Variants in CCSER1 observed in about 807,000 individuals in gnomAD.
CCSER1 encodes the protein coiled-coil serine rich protein 1.
Under a neutral mutation model 82.0 loss-of-function variants are expected in CCSER1, and 41 were observed. The observed-to-expected ratio is 0.50, with a 90% confidence interval of 0.39 to 0.65. The LOEUF (loss-of-function observed/expected upper bound fraction) is 0.65. CCSER1 is among the 30% of genes least tolerant of loss of function. The pLI, the probability that CCSER1 is intolerant of heterozygous loss-of-function variation, is 0.00. For synonymous variants in CCSER1, 414 were observed against 383.9 expected (o/e 1.08, Z -0.92); for missense variants, 1,119 against 1,064.2 (o/e 1.05, Z -0.72).
intron 6 of CCSER1, among the ~76,000 whole-genome samples, chr4:90,635,782 C>A (rs900680316): frequency 7.9e-5 from 12 of 151,822 alleles, no homozygotes; most frequent in South Asian, 6.2e-4. Context: ...ATGTTCCCAA[C>A]ACAAAGAAAA....
intron 1 of CCSER1, among the ~76,000 whole-genome samples, chr4:90,187,422 C>T (rs538988257): frequency 6.7e-6 from 1 of 149,568 alleles, no homozygotes; most frequent in South Asian, 2.1e-4. Context: ...AATTACCTCC[C>T]TTATCGGATT....
intron 5 of CCSER1, among the ~76,000 whole-genome samples, chr4:90,507,022 G>A (rs183248934): frequency 3.9e-5 from 6 of 152,140 alleles, no homozygotes; most frequent in South Asian, 4.2e-4. Flanking sequence ...TATTGCATAC[G>A]TTTACTATCT....
intron 5 of CCSER1, among the ~76,000 whole-genome samples, chr4:90,622,644 A>T (rs1210675458): frequency 2.0e-5 from 3 of 151,940 alleles, no homozygotes; most frequent in African/African-American, 7.3e-5. Context: ...TATGTGCCAC[A>T]TTTTCTTAAT....
rs548782985 is a variant in CCSER1, at chr4:90,722,746, T to A, written c.1933-1168T>A. Among the ~76,000 whole-genome samples the A allele has an allele frequency of 2.0e-5, 3 of 152,036 alleles. No homozygotes were observed. The South Asian group carries it at 6.2e-4, about 31-fold the overall frequency. ...TATGCTGAATATCTTGGTTCCTGTG[T>A]TTATAGTTCTTATCCTTGGTTTCTG... On this transcript the variant is annotated intron_variant, in intron 6 of 10. Transcript: ENST00000509176.
intron 10 of CCSER1, among the ~76,000 whole-genome samples, chr4:91,103,061 G>A (rs575973094): frequency 3.9e-4 from 59 of 152,120 alleles, no homozygotes; most frequent in Middle Eastern, 6.8e-3. Flanking sequence ...GCTGTGTAAC[G>A]TATTTAGTTC....
intron 10 of CCSER1, among the ~76,000 whole-genome samples, chr4:91,555,539 G>A (rs1762359067): frequency 6.6e-6 from 1 of 150,894 alleles, no homozygotes; most frequent in South Asian, 2.1e-4. Context: ...GAGGAATACA[G>A]TGAGGATATA....
At chr4:90,934,501 C>T (rs1180074002) in intron 9 of CCSER1, among the ~76,000 whole-genome samples, 1 of 152,216 alleles carries the variant, frequency 6.6e-6, no homozygotes, top group Non-Finnish European at 1.5e-5. Flanking sequence ...ATAGGCTTAA[C>T]TTTCAGTAGT....
intron 8 of CCSER1, among the ~76,000 whole-genome samples, chr4:90,898,227 A>T (rs9995579): frequency 0.035 from 4,099 of 115,560 alleles, 80 homozygotes; most frequent in African/African-American, 0.064. Flanking sequence ...TTCTTCTAGG[A>T]TTCTTATAGT....
intron 4 of CCSER1, among the ~76,000 whole-genome samples, chr4:90,445,338 G>A (rs923198335): frequency 1.3e-5 from 2 of 152,028 alleles, no homozygotes; most frequent in African/African-American, 4.8e-5. Context: ...CTTTCTCTGG[G>A]AAGAGATCAA....
chr4:91,259,727 T>C (rs1740965700), intron 10 of CCSER1, among the ~76,000 whole-genome samples: 1 of 152,126 alleles, frequency 6.6e-6, no homozygotes. Context: ...TTGCTGAGAA[T>C]GAAGGCTTCC....
chr4:91,113,440 C>T (rs1233639149), intron 10 of CCSER1, among the ~76,000 whole-genome samples: 1 of 152,162 alleles, frequency 6.6e-6, no homozygotes, highest in Non-Finnish European at 1.5e-5. Context: ...CAAATCCACC[C>T]TGGAGACTTA....
intron 6 of CCSER1, among the ~76,000 whole-genome samples, chr4:90,644,383 C>G (rs1458481725): frequency 6.6e-6 from 1 of 151,928 alleles, no homozygotes; most frequent in Non-Finnish European, 1.5e-5. Context: ...ACTTGTGGCA[C>G]CATGTTGGCA....
intron 8 of CCSER1, among the ~76,000 whole-genome samples, chr4:90,851,807 T>TTA (rs1763926552): frequency 6.6e-6 from 1 of 152,208 alleles, no homozygotes. Context: ...GACCACTAGC[T>TTA]TAAATGTACA....
chr4:90,525,886 C>T (rs890523487), intron 5 of CCSER1, among the ~76,000 whole-genome samples: 3 of 152,152 alleles, frequency 2.0e-5, no homozygotes, highest in Middle Eastern at 3.4e-3. Context: ...GTGATCCTCC[C>T]GCCTCAGCCT....
intron 1 of CCSER1, among the ~76,000 whole-genome samples, chr4:90,306,686 T>C (rs1028945432): frequency 6.6e-6 from 1 of 152,224 alleles, no homozygotes. Flanking sequence ...CTCATATTTA[T>C]CAGGATGATA....
chr4:91,243,241 A>G (rs1487313547), intron 10 of CCSER1, among the ~76,000 whole-genome samples: 2 of 152,152 alleles, frequency 1.3e-5, no homozygotes, highest in East Asian at 3.8e-4. Flanking sequence ...GGAATTTCCC[A>G]CTCCAGCATT....
chr4:90,210,273 C>T (rs1739705364), intron 1 of CCSER1, among the ~76,000 whole-genome samples: 1 of 151,150 alleles, frequency 6.6e-6, no homozygotes, highest in Admixed American at 6.6e-5. Context: ...ATGATTGTTT[C>T]CCAGAACTTT....
At chr4:90,885,105 T>C (rs1470336210) in intron 8 of CCSER1, among the ~76,000 whole-genome samples, 1 of 152,212 alleles carries the variant, frequency 6.6e-6, no homozygotes, top group African/African-American at 2.4e-5. Context: ...GGTGACATCA[T>C]TGAAAAACTT....
At chr4:90,831,748 C>T (rs545880763) in intron 8 of CCSER1, among the ~76,000 whole-genome samples, 5 of 152,104 alleles carry the variant, frequency 3.3e-5, no homozygotes, top group African/African-American at 1.2e-4. Flanking sequence ...AAAGAATAAC[C>T]TTGACTAAAT....
Sources: allele counts gnomAD v4.1 joint callset (sites outside exome capture counted in the v4.1 genomes callset), GRCh38; gene constraint gnomAD v4.1.1; transcripts MANE v1.5; gene names NCBI Gene and HGNC (gene_info 2026-07-23, HGNC 2026-07-21).